Variants in KIT observed in about 807,000 individuals in gnomAD.
The protein encoded by KIT is mast/stem cell growth factor receptor Kit.
KIT carries 16 observed loss-of-function variants against 105.7 expected under a neutral mutation model. The observed-to-expected ratio is 0.15, with a 90% confidence interval of 0.10 to 0.23. The LOEUF (loss-of-function observed/expected upper bound fraction) is 0.23. KIT is among the 10% of genes least tolerant of loss of function. The probability of loss-of-function intolerance (pLI) is 1.00; values close to 1 mark genes in which losing one functional copy is unlikely to be tolerated. For missense variants in KIT, 858 were observed against 1,213.8 expected (o/e 0.71, Z 4.36); for synonymous variants, 438 against 441.1 (o/e 0.99, Z 0.09).
intron 1 of KIT, among the ~76,000 whole-genome samples, chr4:54,679,801 G>A (rs2109600956): frequency 6.6e-6 from 1 of 152,228 alleles, no homozygotes; most frequent in South Asian, 2.1e-4. Context: ...CAAAAATATA[G>A]CATATACACA....
rs1331981813 is a variant in KIT at position 54,728,044 on chromosome 4, T to A, written c.1913T>A (p.Met638Lys). Residue 638 changes from methionine to lysine, a missense_variant, in exon 13 of 21, where the codon ATG (methionine) becomes AAG (lysine). By Grantham distance (95) the Met-to-Lys change is moderately conservative (BLOSUM62 -1). Transcript: ENST00000288135. Reference sequence around the variant, plus strand: ...CATTTGACAGAACGGGAAGCCCTCATGTCTGAACTCAAAGTCCTGAGTTAC... The same window carrying A: ...CATTTGACAGAACGGGAAGCCCTCAAGTCTGAACTCAAAGTCCTGAGTTAC... ...SAHLTEREAL[M>K]SELKVLSYLG... 6.2e-7 allele frequency: 1 copy of A among 1,614,108 alleles called. No individual in the cohort carries two copies. Among genetic ancestry groups the A allele is most frequent in the Non-Finnish European group, 8.5e-7 (1 of 1,179,984 alleles).
intron 7 of KIT, among the ~76,000 whole-genome samples, chr4:54,719,798 C>G (rs1323238837): frequency 6.6e-6 from 1 of 152,284 alleles, no homozygotes; most frequent in Non-Finnish European, 1.5e-5. Flanking sequence ...TTATAAAATG[C>G]AGATGAGCCC....
At chr4:54,712,472 T>G (rs1182746592) in intron 7 of KIT, among the ~76,000 whole-genome samples, 1 of 152,186 alleles carries the variant, frequency 6.6e-6, no homozygotes, top group Non-Finnish European at 1.5e-5. Flanking sequence ...TCCCTGGCTT[T>G]AAGTCCAAAG....
Position 54,728,140 on chromosome 4 carries a change from T to C in KIT, c.1990+19T>C, listed in dbSNP as rs1441608493. 5 of 1,509,730 alleles carry C rather than the reference T, an allele frequency of 3.3e-6. No individual in the cohort carries two copies. The highest frequency in any genetic ancestry group is 4.6e-6 in the Non-Finnish European group (5 of 1,085,084). 93.5% of individuals were successfully genotyped at this position (1,509,730 alleles called of 1,614,324 possible). A position where few individuals can be genotyped will look rare whatever the true frequency, so the allele number is the denominator to read the frequency against. ...ATTGGAGGTAAAGCCGTGTCCAAGCTGCCTTTTATTGTCTGTCAGGTTATC... is the reference window on the plus strand; with the variant it reads ...ATTGGAGGTAAAGCCGTGTCCAAGCCGCCTTTTATTGTCTGTCAGGTTATC... On this transcript the variant is annotated intron_variant, in intron 13 of 20. Transcript: ENST00000288135.
chr4:54,733,223 G>T (rs1261770816), intron 17 of KIT, 31 bp downstream of exon 17: 1 of 1,607,630 alleles, frequency 6.2e-7, no homozygotes, highest in Admixed American at 1.7e-5. Flanking sequence ...TGACAGTCCT[G>T]CAAAGGATTT....
At chr4:54,690,366 C>T (rs761432959) in intron 1 of KIT, among the ~76,000 whole-genome samples, 16 of 152,178 alleles carry the variant, frequency 1.1e-4, no homozygotes, top group Non-Finnish European at 1.5e-4. Context: ...GTTGACTCTT[C>T]GTAAGTGTCC....
intron 1 of KIT, among the ~76,000 whole-genome samples, chr4:54,673,301 T>C (rs1169505642): frequency 2.6e-5 from 4 of 152,234 alleles, no homozygotes; most frequent in Admixed American, 6.5e-5. Flanking sequence ...GCCTGTATTC[T>C]GTATCTGCCA....
rs748069596 is a variant in KIT at position 54,725,102 on chromosome 4, TTTGTTGTTG to T, written c.1347-742_1347-734del. Among the ~76,000 whole-genome samples, 654 of 152,012 alleles carry T rather than the reference TTTGTTGTTG, an allele frequency of 4.3e-3. 1 individual carries two copies. The highest frequency in any genetic ancestry group is 6.6e-3 in the Non-Finnish European group (449 of 67,962). On this transcript the variant is annotated intron_variant, in intron 8 of 20. Transcript: ENST00000288135. ...CTATTTTCTGGTCTACATCCTTGAT[TTTGTTGTTG>T]TTGTTGTTGTTGAGACCGAGTCTCA...
intron 7 of KIT, 57 bp from the exon 8 acceptor site, chr4:54,723,527 G>A (rs1197741302): frequency 3.6e-6 from 4 of 1,120,126 alleles, no homozygotes; most frequent in Non-Finnish European, 5.5e-6. Flanking sequence ...GGAGTGAAGT[G>A]AATGTTGCTG....
intron 1 of KIT, among the ~76,000 whole-genome samples, chr4:54,689,438 A>G (rs1436362523): frequency 6.6e-6 from 1 of 152,224 alleles, no homozygotes; most frequent in Non-Finnish European, 1.5e-5. Context: ...GTGGTTTAAA[A>G]TAAGAGCTTC....
intron 7 of KIT, among the ~76,000 whole-genome samples, chr4:54,713,795 G>A (rs1721299996): frequency 6.6e-6 from 1 of 152,132 alleles, no homozygotes; most frequent in South Asian, 2.1e-4. Context: ...AAAAAATATT[G>A]TGCTCTGACA....
At chr4:54,660,613 T>C (rs1717187202) in intron 1 of KIT, among the ~76,000 whole-genome samples, 1 of 152,192 alleles carries the variant, frequency 6.6e-6, no homozygotes, top group Admixed American at 6.5e-5. Context: ...TGCTCTTCAG[T>C]TGGAAACTGT....
intron 1 of KIT, among the ~76,000 whole-genome samples, chr4:54,662,255 C>T (rs1368225541): frequency 1.3e-5 from 2 of 152,092 alleles, no homozygotes; most frequent in African/African-American, 2.4e-5. Context: ...GGAGACAGGC[C>T]GGCCTACCTT....
At chr4:54,693,715 T>C (rs985480818) in intron 1 of KIT, among the ~76,000 whole-genome samples, 2 of 152,136 alleles carry the variant, frequency 1.3e-5, no homozygotes, top group African/African-American at 2.4e-5. Flanking sequence ...ATAAATCTGA[T>C]GTGCATGAAC....
intron 2 of KIT, among the ~76,000 whole-genome samples, chr4:54,697,241 G>T (rs1222451355): frequency 6.6e-6 from 1 of 152,116 alleles, no homozygotes; most frequent in Non-Finnish European, 1.5e-5. Context: ...AAATTAGTAA[G>T]GTTGGGAGAT....
At chr4:54,667,850 C>T (rs528581684) in intron 1 of KIT, among the ~76,000 whole-genome samples, 4 of 152,158 alleles carry the variant, frequency 2.6e-5, no homozygotes, top group East Asian at 1.9e-4. Flanking sequence ...GTTGTATGTT[C>T]GATGCACATC....
intron 1 of KIT, among the ~76,000 whole-genome samples, chr4:54,685,526 C>T (rs778213544): frequency 2.0e-5 from 3 of 152,182 alleles, no homozygotes; most frequent in Non-Finnish European, 4.4e-5. Flanking sequence ...TTTTCTGGGT[C>T]GCTGACTGGT....
chr4:54,687,106 T>G (rs1719360439), intron 1 of KIT, among the ~76,000 whole-genome samples: 1 of 152,194 alleles, frequency 6.6e-6, no homozygotes, highest in African/African-American at 2.4e-5. Context: ...TTACCTTCTA[T>G]ATTACAATAT....
rs201778132 is a variant in KIT at position 54,657,994 on chromosome 4, G to T, written c.-21G>T. ...GAGCTGGAACGTGGACCAGAGCTCG[G>T]ATCCCATCGCAGCTACCGCGATGAG... is the stretch of plus-strand genomic sequence containing the variant. On this transcript the variant is annotated 5_prime_UTR_variant, in exon 1 of 21. Coordinates refer to ENST00000288135, the MANE Select transcript of KIT (RefSeq NM_000222.3). 1.1e-4 allele frequency: 172 copies of T among 1,612,042 alleles called. No individual in the cohort carries two copies. The East Asian group carries it at 3.1e-3, about 29-fold the overall frequency.
Sources: allele counts gnomAD v4.1 joint callset (sites outside exome capture counted in the v4.1 genomes callset), GRCh38; gene constraint gnomAD v4.1.1; transcripts MANE v1.5; gene names NCBI Gene and HGNC (gene_info 2026-07-23, HGNC 2026-07-21).